Variants in CEP41 observed in about 807,000 individuals in gnomAD.
CEP41 encodes the protein centrosomal protein of 41 kDa.
Under a neutral mutation model 44.3 loss-of-function variants are expected in CEP41, and 32 were observed. That is an observed-to-expected ratio of 0.72 (90% CI 0.54 to 0.97). The LOEUF is 0.97. CEP41 is among the 50% of genes least tolerant of loss of function. CEP41 has a pLI of 0.00. For synonymous variants in CEP41, 151 were observed against 168.5 expected (o/e 0.90, Z 0.80); for missense variants, 432 against 455.2 (o/e 0.95, Z 0.46).
chr7:130,397,050 T>A lies in CEP41; in HGVS notation c.*1841A>T, dbSNP rs957539042. On this transcript the variant is annotated 3_prime_UTR_variant, in exon 11 of 11. Transcript: ENST00000223208. Reference sequence around the variant, plus strand: ...GAAAAATCTTTTTTCCTTAAAAATGTATATGTGGCAAAAATGGCTGAAAAT... The same window carrying A: ...GAAAAATCTTTTTTCCTTAAAAATGAATATGTGGCAAAAATGGCTGAAAAT... The A allele has an allele frequency of 1.1e-5, 5 of 454,374 alleles. No homozygotes were observed. Among genetic ancestry groups the A allele is most frequent in the African/African-American group, 4.0e-5 (2 of 50,004 alleles). 28.1% of individuals were successfully genotyped at this position (454,374 alleles called of 1,614,324 possible). A position where few individuals can be genotyped will look rare whatever the true frequency, so the allele number is the denominator to read the frequency against.
At chr7:130,428,282 G>T (rs1193702122) in intron 1 of CEP41, among the ~76,000 whole-genome samples, 3 of 151,826 alleles carry the variant, frequency 2.0e-5, no homozygotes, top group African/African-American at 7.3e-5. Flanking sequence ...AAATTAGCCA[G>T]GCATGGTGAT....
intron 1 of CEP41, among the ~76,000 whole-genome samples, chr7:130,430,959 G>T (rs2117688487): frequency 6.6e-6 from 1 of 152,288 alleles, no homozygotes; most frequent in South Asian, 2.1e-4. Context: ...GATGAGGGGA[G>T]AGAGTGTGGA....
In CEP41 at chr7:130,407,253, AACACACAC is replaced by A. The variant is rs60030288; in HGVS notation, c.278-2553_278-2546del. On this transcript the variant is annotated intron_variant, in intron 5 of 10. Transcript: ENST00000223208. The stretch of plus-strand genomic sequence containing the variant: ...AAGGATTTAAAAAATAACAAGAGTA[AACACACAC>A]ACACACACACACACACACACACACA... Among the ~76,000 whole-genome samples the A allele has an allele frequency of 8.7e-3, 1,125 of 129,390 alleles. 6 individuals carry two copies. Among genetic ancestry groups the A allele is most frequent in the African/African-American group, 0.024 (836 of 35,260 alleles). The allele number at this position is 129,390 out of a possible 152,430, so 84.9% of individuals were successfully genotyped here.
At chr7:130,426,895 A>C (rs1205932811) in intron 2 of CEP41, 1 of 247,928 alleles carries the variant, frequency 4.0e-6, no homozygotes, top group African/African-American at 2.4e-5. Context: ...TCCTCTTCTA[A>C]GACAGAGATA....
intron 5 of CEP41, among the ~76,000 whole-genome samples, chr7:130,406,169 G>T (rs915250230): frequency 6.6e-6 from 1 of 152,096 alleles, no homozygotes; most frequent in African/African-American, 2.4e-5. Flanking sequence ...AATATTAATA[G>T]ACATAAAGCA....
At chr7:130,436,364 T>C (rs2117712246) in intron 1 of CEP41, among the ~76,000 whole-genome samples, 2 of 151,936 alleles carry the variant, frequency 1.3e-5, no homozygotes, top group East Asian at 3.9e-4. Flanking sequence ...GACAAAATTA[T>C]GGAGATGGTT....
chr7:130,419,786 A>T (rs1381771491), intron 2 of CEP41: 6 of 985,130 alleles, frequency 6.1e-6, no homozygotes, highest in African/African-American at 1.7e-5. Flanking sequence ...TGCATTCTCT[A>T]ACGTATCACC....
intron 3 of CEP41, 143 bp downstream of exon 3, chr7:130,416,776 G>A (rs1427685691): frequency 5.4e-6 from 4 of 739,250 alleles, no homozygotes; most frequent in Non-Finnish European, 9.8e-6. Flanking sequence ...ATCTCCCACA[G>A]CCCTTGAGGC....
At chr7:130,440,082 C>T (rs1355607984) in intron 1 of CEP41, among the ~76,000 whole-genome samples, 1 of 152,156 alleles carries the variant, frequency 6.6e-6, no homozygotes, top group Non-Finnish European at 1.5e-5. Flanking sequence ...TGCAATGGCA[C>T]GATCTCGGCT....
At position 130,393,904 on chromosome 7, in the gene CEP41, G is replaced by A. The variant is rs1554413394; in HGVS notation, c.*4987C>T. 2.2e-6 allele frequency: 1 copy of A among 454,046 alleles called. No homozygotes were observed. Among genetic ancestry groups the A allele is most frequent in the South Asian group, 1.6e-5 (1 of 64,474 alleles). The allele number at this position is 454,046 out of a possible 1,614,324, so 28.1% of individuals were successfully genotyped here. On this transcript the variant is annotated 3_prime_UTR_variant, in exon 11 of 11. Coordinates refer to ENST00000223208, the MANE Select transcript of CEP41 (RefSeq NM_018718.3). ...GTACTTTGCAAGGTGTCCATTAACA[G>A]ACAAAATAACCTCGGAAGCCCTGGA...
chr7:130,404,498 C>T (rs1391853734), intron 6 of CEP41, 66 bp downstream of exon 6: 1 of 1,366,932 alleles, frequency 7.3e-7, no homozygotes, highest in Non-Finnish European at 1.0e-6. Flanking sequence ...AAAAAGATCC[C>T]TGAAATTGGC....
intron 2 of CEP41, among the ~76,000 whole-genome samples, chr7:130,427,286 A>C (rs532381071): frequency 6.6e-6 from 1 of 152,200 alleles, no homozygotes; most frequent in Non-Finnish European, 1.5e-5. Flanking sequence ...AAAAAACAAA[A>C]ACAAACAACC....
At position 130,397,002 on chromosome 7, in the gene CEP41, C is replaced by T. The variant is rs1206167774; in HGVS notation, c.*1889G>A. 1 of 454,354 alleles carries T rather than the reference C, an allele frequency of 2.2e-6. No homozygotes were observed. Among genetic ancestry groups the T allele is most frequent in the Non-Finnish European group, 4.4e-6 (1 of 226,776 alleles). 28.1% of individuals were successfully genotyped at this position (454,354 alleles called of 1,614,324 possible). On this transcript the variant is annotated 3_prime_UTR_variant, in exon 11 of 11. Transcript: ENST00000223208. ...TCCTGACAAGTCACCTTTAAAACAG[C>T]ATAACCAGAACTTTCTTACAGAGAA... is the stretch of plus-strand genomic sequence containing the variant.
At chr7:130,440,851 C>T in intron 1 of CEP41, 83 bp downstream of exon 1, 6 of 1,394,808 alleles carry the variant, frequency 4.3e-6, no homozygotes, top group Non-Finnish European at 5.8e-6. Flanking sequence ...CGGCGGAAGT[C>T]GCTGGCTGCT....
At chr7:130,418,086 GTTTTC>G (rs782260701) in intron 2 of CEP41, among the ~76,000 whole-genome samples, 14 of 152,066 alleles carry the variant, frequency 9.2e-5, no homozygotes, top group Non-Finnish European at 1.6e-4. Context: ...ATCCACCATT[GTTTTC>G]TTTTCTTTTC....
Position 130,394,760 on chromosome 7 carries a change from A to G in CEP41, c.*4131T>C, listed in dbSNP as rs1796612522. 1 of 454,026 alleles carries G rather than the reference A, an allele frequency of 2.2e-6. No individual in the cohort carries two copies. The highest frequency in any genetic ancestry group is 1.6e-5 in the South Asian group (1 of 64,486). 28.1% of individuals were successfully genotyped at this position (454,026 alleles called of 1,614,324 possible). On this transcript the variant is annotated 3_prime_UTR_variant, in exon 11 of 11. Transcript: ENST00000223208. ...CAATCTTGACAGGTTCAATTCATTT[A>G]TTCATGAACACTTATTAAGGGCCAC...
At chr7:130,431,294 G>A (rs1797815418) in intron 1 of CEP41, among the ~76,000 whole-genome samples, 1 of 152,130 alleles carries the variant, frequency 6.6e-6, no homozygotes, top group Non-Finnish European at 1.5e-5. Context: ...AAGTGAAGAA[G>A]CTGAAAAAAG....
intron 5 of CEP41, among the ~76,000 whole-genome samples, chr7:130,406,999 T>C (rs1799975573): frequency 6.6e-6 from 1 of 151,660 alleles, no homozygotes; most frequent in African/African-American, 2.4e-5. Context: ...TATATATATA[T>C]ACTCTCCAAG....
chr7:130,399,219 G>A (rs1334514199), intron 10 of CEP41, 180 bp from the exon 11 acceptor site: 1 of 701,692 alleles, frequency 1.4e-6, no homozygotes, highest in Non-Finnish European at 2.4e-6. Context: ...TCAGCCTGAA[G>A]GTGGGGAGGG....
Sources: gnomAD v4.1 joint callset for allele counts (sites outside exome capture counted in the v4.1 genomes callset) on GRCh38, gnomAD v4.1.1 for gene constraint, MANE v1.5 for transcripts, NCBI Gene and HGNC (gene_info 2026-07-23, HGNC 2026-07-21) for gene names.